UGT3A2: variants seen among roughly 807,000 people sequenced by gnomAD.
UGT3A2 encodes the protein UDP-glycosyltransferase 3A2.
UGT3A2 carries 32 observed loss-of-function variants against 39.8 expected under a neutral mutation model. The ratio of observed to expected loss-of-function variants is 0.80; its 90% confidence interval spans 0.61 to 1.08. The LOEUF (loss-of-function observed/expected upper bound fraction) is 1.08. UGT3A2 is among the 50% of genes least tolerant of loss of function. The probability of loss-of-function intolerance (pLI) is 0.00; values close to 1 mark genes in which losing one functional copy is unlikely to be tolerated. For missense variants in UGT3A2, 611 were observed against 637.1 expected, an observed-to-expected ratio of 0.96 and a Z score of 0.44; for synonymous variants, 241 against 230.7, an observed-to-expected ratio of 1.04 and a Z score of -0.40.
chr5:36,037,500 G>T (rs1741867877), intron 6 of UGT3A2, among the ~76,000 whole-genome samples: 1 of 152,110 alleles, frequency 6.6e-6, no homozygotes, highest in Non-Finnish European at 1.5e-5. Context: ...GAATCCCGCT[G>T]ACCTGAATTC....
intron 6 of UGT3A2, among the ~76,000 whole-genome samples, chr5:36,036,398 T>C (rs920521760): frequency 2.6e-5 from 4 of 152,240 alleles, no homozygotes; most frequent in Non-Finnish European, 4.4e-5. Context: ...CAGGGCTGGC[T>C]TCCTGGGCTG....
chr5:36,037,666 C>T, intron 6 of UGT3A2, 131 bp downstream of exon 6: 1 of 930,296 alleles, frequency 1.1e-6, no homozygotes, highest in Non-Finnish European at 1.6e-6. Context: ...CACATATTAT[C>T]CCATGTCCTG....
intron 4 of UGT3A2, among the ~76,000 whole-genome samples, chr5:36,046,439 A>G (rs1742167774): frequency 6.6e-6 from 1 of 152,248 alleles, no homozygotes; most frequent in Admixed American, 6.5e-5. Flanking sequence ...ATAAAAAACA[A>G]AGGGATCCTG....
intron 4 of UGT3A2, among the ~76,000 whole-genome samples, chr5:36,040,483 A>G (rs894058815): frequency 6.6e-6 from 1 of 152,198 alleles, no homozygotes; most frequent in Non-Finnish European, 1.5e-5. Context: ...AAGGTAGGAA[A>G]GACAGTCTTC....
At chr5:36,052,105 G>A (rs1247393577) in intron 2 of UGT3A2, 121 bp from the exon 3 acceptor site, 20 of 655,670 alleles carry the variant, frequency 3.1e-5, no homozygotes, top group Non-Finnish European at 4.2e-5. Flanking sequence ...ATTGCTTCAA[G>A]TATTTTTTAA....
intron 2 of UGT3A2, among the ~76,000 whole-genome samples, chr5:36,055,321 C>T (rs892700600): frequency 3.3e-5 from 5 of 152,032 alleles, no homozygotes; most frequent in Non-Finnish European, 5.9e-5. Flanking sequence ...CAACCTCTGC[C>T]TCCCAGGTTC....
At position 36,050,772 on chromosome 5, in the gene UGT3A2, G is replaced by A. The variant is rs542336764; in HGVS notation, c.311+1098C>T. 1.5e-4 allele frequency among the ~76,000 whole-genome samples: 22 copies of A among 151,674 alleles called. No individual in the cohort carries two copies. In the East Asian group the frequency reaches 4.3e-3, roughly 29 times the overall value. ...AGCTACTTGGGAGGCTGAAGCAGGA[G>A]AATCGCTTGAACCCTGGAGGCAGAG... On this transcript the variant is annotated intron_variant, in intron 3 of 6. Coordinates refer to ENST00000282507, the MANE Select transcript of UGT3A2 (RefSeq NM_174914.4).
chr5:36,052,510 A>G (rs1477402499), intron 2 of UGT3A2, among the ~76,000 whole-genome samples: 1 of 79,350 alleles, frequency 1.3e-5, no homozygotes, highest in Non-Finnish European at 3.8e-5. Context: ...GTCAAGCCCC[A>G]TTTCCCCTTC....
In UGT3A2 at chr5:36,064,279, G is replaced by A; in HGVS notation, c.166C>T (p.Leu56Phe). 1.2e-6 allele frequency: 2 copies of A among 1,614,184 alleles called. No individual in the cohort carries two copies. Among genetic ancestry groups the A allele is most frequent in the Non-Finnish European group, 8.5e-7 (1 of 1,180,024 alleles). Reference protein sequence around the residue: ...LQDHGHNVTMLNHKRGPFMPD... With the variant: ...LQDHGHNVTMFNHKRGPFMPD... Reference sequence around the variant, plus strand: ...ATAAAAGGACCTCTTTTGTGGTTAAGCATGGTGACATTATGACCGTGATCT... The same window carrying A: ...ATAAAAGGACCTCTTTTGTGGTTAAACATGGTGACATTATGACCGTGATCT... The change falls in exon 2 of 7, where the codon CTT becomes TTT. Residue 56 changes from leucine to phenylalanine, a missense_variant. Leu to Phe is a conservative substitution (Grantham distance 22). Transcript: ENST00000282507.
intron 6 of UGT3A2, among the ~76,000 whole-genome samples, chr5:36,036,453 G>T (rs939096938): frequency 2.0e-5 from 3 of 152,120 alleles, no homozygotes; most frequent in Non-Finnish European, 4.4e-5. Flanking sequence ...TCCTGTACTT[G>T]GTTTCACCAT....
Position 36,035,731 on chromosome 5 carries a change from C to T in UGT3A2, c.1539G>A (p.Trp513Ter). 6.2e-7 allele frequency: 1 copy of T among 1,614,184 alleles called. No individual in the cohort carries two copies. Among genetic ancestry groups the T allele is most frequent in the Non-Finnish European group, 8.5e-7 (1 of 1,180,034 alleles). The part of the protein sequence containing the change: ...CGKLLGMAVW[W>*]LRGARKVKET ...CCTTCACCTTTCTGGCCCCACGCAG[C>T]CACCAGACAGCCATGCCCAGCAGCT... The change falls in exon 7 of 7, where the codon TGG becomes TGA. Residue 513 changes from tryptophan to a stop codon, truncating the protein, a stop_gained. Coordinates refer to ENST00000282507, the MANE Select transcript of UGT3A2 (RefSeq NM_174914.4). LOFTEE classifies it high-confidence loss of function.
chr5:36,038,067 A>T (rs1426726717), intron 5 of UGT3A2, 51 bp from the exon 6 acceptor site: 7 of 1,532,564 alleles, frequency 4.6e-6, no homozygotes, highest in Non-Finnish European at 5.3e-6. Flanking sequence ...AAATTTCAAA[A>T]CATCAGGCAG....
intron 1 of UGT3A2, among the ~76,000 whole-genome samples, chr5:36,065,392 C>G (rs1048066247): frequency 6.6e-6 from 1 of 152,080 alleles, no homozygotes; most frequent in African/African-American, 2.4e-5. Flanking sequence ...GAACAGGGAG[C>G]TGGGAAGAAG....
At chr5:36,055,813 TA>T (rs1742491811) in intron 2 of UGT3A2, among the ~76,000 whole-genome samples, 1 of 152,250 alleles carries the variant, frequency 6.6e-6, no homozygotes, top group African/African-American at 2.4e-5. Context: ...TGAACAAGAA[TA>T]AATATCCTTT....
intron 4 of UGT3A2, among the ~76,000 whole-genome samples, chr5:36,044,675 T>C (rs1742113134): frequency 6.6e-6 from 1 of 152,196 alleles, no homozygotes; most frequent in African/African-American, 2.4e-5. Context: ...GTAGCAATTC[T>C]ATATGCCAAC....
intron 1 of UGT3A2, among the ~76,000 whole-genome samples, chr5:36,066,173 T>C (rs1040786477): frequency 3.9e-5 from 6 of 152,304 alleles, no homozygotes; most frequent in African/African-American, 1.2e-4. Flanking sequence ...TCCACTGGCA[T>C]TGCAGCCATG....
chr5:36,045,171 C>A (rs1042610609), intron 4 of UGT3A2, among the ~76,000 whole-genome samples: 17 of 151,948 alleles, frequency 1.1e-4, no homozygotes, highest in African/African-American at 3.6e-4. Flanking sequence ...GACAACCCAG[C>A]AATAAATCCA....
chr5:36,053,996 CCA>C (rs1368264723), intron 2 of UGT3A2, among the ~76,000 whole-genome samples: 1 of 152,150 alleles, frequency 6.6e-6, no homozygotes, highest in African/African-American at 2.4e-5. Context: ...TTGTCTTGGG[CCA>C]CACATAAAAT....
chr5:36,056,788 C>T (rs759186507), intron 2 of UGT3A2, among the ~76,000 whole-genome samples: 2 of 152,160 alleles, frequency 1.3e-5, no homozygotes, highest in Non-Finnish European at 2.9e-5. Context: ...CCATAAAGTC[C>T]TCGTTTTCTG....
Sources: gnomAD v4.1 joint callset for allele counts (sites outside exome capture counted in the v4.1 genomes callset) on GRCh38, gnomAD v4.1.1 for gene constraint, MANE v1.5 for transcripts, NCBI Gene and HGNC (gene_info 2026-07-23, HGNC 2026-07-21) for gene names.